The following MAP2K5 variants were observed in gnomAD, a reference collection of about 807,000 sequenced individuals.
MAP2K5 encodes the protein mitogen-activated protein kinase kinase 5, also known as dual specificity mitogen-activated protein kinase kinase 5.
In MAP2K5, 49 loss-of-function variants were observed where a neutral mutation model predicts 83.1. The ratio of observed to expected loss-of-function variants is 0.59; its 90% CI spans 0.47 to 0.75. The LOEUF (loss-of-function observed/expected upper bound fraction) is 0.75. Ranked by LOEUF, MAP2K5 falls within the 30% of genes least tolerant of loss-of-function variation. The probability of loss-of-function intolerance (pLI) is 0.00; values close to 1 mark genes in which losing one functional copy is unlikely to be tolerated. For missense variants in MAP2K5, 457 were observed against 557.5 expected (o/e 0.82, Z 1.82); for synonymous variants, 202 against 191.8 (o/e 1.05, Z -0.44).
In MAP2K5 at chr15:67,563,263, C is replaced by G. The variant is rs1200058210; in HGVS notation, c.185-20C>G. 12 of 1,605,096 alleles carry G rather than the reference C, an allele frequency of 7.5e-6. No homozygotes were observed. The highest frequency in any genetic ancestry group is 1.0e-5 in the Non-Finnish European group (12 of 1,177,248). On this transcript the variant is annotated intron_variant, in intron 2 of 21. Coordinates refer to ENST00000178640, the MANE Select transcript of MAP2K5 (RefSeq NM_145160.3). This position sits in a 1 kb window ranked among gnomAD's most constrained non-coding sequence, Gnocchi z 4.5. ...AAACAAATGCACACCTTATCATTTG[C>G]ATTATGTGCTTTTAAACAGATGAAG...
At chr15:67,691,865 C>T (rs1299250055) in intron 13 of MAP2K5, among the ~76,000 whole-genome samples, 3 of 152,280 alleles carry the variant, frequency 2.0e-5, no homozygotes, top group South Asian at 2.1e-4. Flanking sequence ...GAAACAAAGA[C>T]TAATAAGCAC....
Position 67,665,771 on chromosome 15 carries a change from G to A in MAP2K5, c.847+1126G>A, listed in dbSNP as rs2087361142. Among the ~76,000 whole-genome samples, 2 of 152,130 alleles carry A rather than the reference G, an allele frequency of 1.3e-5. No individual in the cohort carries two copies. Among genetic ancestry groups the A allele is most frequent in the African/African-American group, 2.4e-5 (1 of 41,436 alleles). ...TCCATTTCTAGAGTATAGTTGGTGCGAAAGGTAGGTGTAGGGAGAGTGAGT... is the reference window on the plus strand; with the variant it reads ...TCCATTTCTAGAGTATAGTTGGTGCAAAAGGTAGGTGTAGGGAGAGTGAGT... On this transcript the variant is annotated intron_variant, in intron 13 of 21. Transcript: ENST00000178640. This position sits in a 1 kb window ranked among gnomAD's most constrained non-coding sequence, Gnocchi z 4.2.
intron 1 of MAP2K5, chr15:67,546,523 C>T (rs937322382): frequency 1.1e-5 from 10 of 935,410 alleles, no homozygotes; most frequent in Non-Finnish European, 1.3e-5. Context: ...CTCTCTGGGC[C>T]TTGTCTTTTG....
Position 67,720,463 on chromosome 15 carries a change from C to T in MAP2K5, c.1045-7453C>T, listed in dbSNP as rs984407078. On this transcript the variant is annotated intron_variant, in intron 16 of 21. Coordinates refer to ENST00000178640, the MANE Select transcript of MAP2K5 (RefSeq NM_145160.3). This position sits in a 1 kb window ranked among gnomAD's most constrained non-coding sequence, Gnocchi z 5.7. ...TTTGGGACAGCAGGGTTAGAAAGACCAAGAAACATTTAAAGATTCAAAACA... is the reference window on the plus strand; with the variant it reads ...TTTGGGACAGCAGGGTTAGAAAGACTAAGAAACATTTAAAGATTCAAAACA... Among the ~76,000 whole-genome samples, 10 of 152,026 alleles carry T rather than the reference C, an allele frequency of 6.6e-5. No homozygotes were observed. The highest frequency in any genetic ancestry group is 1.7e-4 in the African/African-American group (7 of 41,472).
intron 16 of MAP2K5, among the ~76,000 whole-genome samples, chr15:67,709,494 A>C (rs1374335799): frequency 1.3e-5 from 2 of 150,270 alleles, no homozygotes; most frequent in Non-Finnish European, 3.0e-5. Flanking sequence ...AAAAAAAAAA[A>C]CTACAGGGCT....
At chr15:67,635,409 T>G (rs1371948425) in intron 9 of MAP2K5, among the ~76,000 whole-genome samples, 1 of 152,140 alleles carries the variant, frequency 6.6e-6, no homozygotes, top group Non-Finnish European at 1.5e-5. Flanking sequence ...ACTCCTGACC[T>G]TGTGATCTGC....
chr15:67,740,201 TAG>T (rs1277698483), intron 17 of MAP2K5, among the ~76,000 whole-genome samples: 9 of 152,208 alleles, frequency 5.9e-5, no homozygotes, highest in Non-Finnish European at 1.2e-4. Context: ...TTTTGGGTCC[TAG>T]AGTCTAGTAT....
In MAP2K5 at chr15:67,749,124, G is replaced by A. The variant is rs1258126485; in HGVS notation, c.1134+523G>A. 2.0e-5 allele frequency among the ~76,000 whole-genome samples: 3 copies of A among 152,140 alleles called. No individual in the cohort carries two copies. Among genetic ancestry groups the A allele is most frequent in the Non-Finnish European group, 2.9e-5 (2 of 68,024 alleles). ...TCTCAGAATATGTCCCTAACATCTT[G>A]TGTATTCTAGTAGCTGGAAACCTGT... On this transcript the variant is annotated intron_variant, in intron 19 of 21. Coordinates refer to ENST00000178640, the MANE Select transcript of MAP2K5 (RefSeq NM_145160.3). The surrounding 1 kb of genome is among the most constrained non-coding windows in gnomAD (Gnocchi z 4.6).
In MAP2K5 at chr15:67,580,829, G is replaced by C; in HGVS notation, c.322+6G>C. Reference sequence around the variant, plus strand: ...TCTGCAGATATTTCCAAGAGGTAATGTTGAGCAAATTCTAATCAACAATGA... The same window carrying C: ...TCTGCAGATATTTCCAAGAGGTAATCTTGAGCAAATTCTAATCAACAATGA... On this transcript the variant is annotated splice_donor_region_variant and intron_variant, in intron 4 of 21. Transcript: ENST00000178640. 1 of 1,586,396 alleles carries C rather than the reference G, an allele frequency of 6.3e-7. No homozygotes were observed. Among genetic ancestry groups the C allele is most frequent in the Non-Finnish European group, 8.6e-7 (1 of 1,156,348 alleles).
chr15:67,759,531 G>T (rs147695267), intron 19 of MAP2K5, among the ~76,000 whole-genome samples: 1 of 149,250 alleles, frequency 6.7e-6, no homozygotes, highest in East Asian at 2.0e-4. Flanking sequence ...CTGCACTCTA[G>T]CCTGGATGAC....
chr15:67,694,363 C>G (rs1034373492), intron 15 of MAP2K5, among the ~76,000 whole-genome samples: 4 of 151,984 alleles, frequency 2.6e-5, no homozygotes, highest in Non-Finnish European at 5.9e-5. Flanking sequence ...TTTAGGTAGT[C>G]CCTTTCATCT....
rs1170470199 is a variant in MAP2K5, at chr15:67,567,510, G to A, written c.252+4160G>A. 7.2e-5 allele frequency among the ~76,000 whole-genome samples: 11 copies of A among 151,778 alleles called. 1 individual carries two copies. Among genetic ancestry groups the A allele is most frequent in the Admixed American group, 2.6e-4 (4 of 15,248 alleles). The stretch of plus-strand genomic sequence containing the variant: ...CTCCCGAGTAGCTGGGACTACAGGC[G>A]CCCGCCACCGCGCCCGGCTAATTTT... On this transcript the variant is annotated intron_variant, in intron 3 of 21. Coordinates refer to ENST00000178640, the MANE Select transcript of MAP2K5 (RefSeq NM_145160.3).
chr15:67,738,858 C>T lies in MAP2K5; in HGVS notation c.1075-9373C>T, dbSNP rs535165982. 1.3e-4 allele frequency among the ~76,000 whole-genome samples: 20 copies of T among 152,322 alleles called. No homozygotes were observed. In the South Asian group the frequency reaches 3.7e-3, roughly 28 times the overall value. On this transcript the variant is annotated intron_variant, in intron 17 of 21. Coordinates refer to ENST00000178640, the MANE Select transcript of MAP2K5 (RefSeq NM_145160.3). This position sits in a 1 kb window ranked among gnomAD's most constrained non-coding sequence, Gnocchi z 4.1. ...TTCACCTTAGATGAGCAGCTTCCTCCTCCTGTCCACACCTTCAGCCCTCTT... is the reference window on the plus strand; with the variant it reads ...TTCACCTTAGATGAGCAGCTTCCTCTTCCTGTCCACACCTTCAGCCCTCTT...
At chr15:67,548,138 A>C (rs1015873640) in intron 1 of MAP2K5, among the ~76,000 whole-genome samples, 5 of 152,232 alleles carry the variant, frequency 3.3e-5, no homozygotes, top group Non-Finnish European at 5.9e-5. Flanking sequence ...AGAACTCTGC[A>C]CTTTGATGGG....
At chr15:67,697,028 G>C (rs895075760) in intron 15 of MAP2K5, among the ~76,000 whole-genome samples, 5 of 152,190 alleles carry the variant, frequency 3.3e-5, no homozygotes, top group Admixed American at 3.3e-4. Flanking sequence ...CAAACTTGAT[G>C]ATTCAAACAG....
At chr15:67,583,601 G>A (rs774327544) in intron 4 of MAP2K5, among the ~76,000 whole-genome samples, 2 of 151,894 alleles carry the variant, frequency 1.3e-5, no homozygotes, top group Non-Finnish European at 1.5e-5. Flanking sequence ...TTACATAATC[G>A]ACATGTAGAC....
At chr15:67,674,130 A>G (rs1297719927) in intron 13 of MAP2K5, among the ~76,000 whole-genome samples, 9 of 152,128 alleles carry the variant, frequency 5.9e-5, no homozygotes. Flanking sequence ...TACAGGCATG[A>G]GCCACCGTGC....
At chr15:67,756,514 ACTGTGTGTGTGTGTGT>A (rs1362412901) in intron 19 of MAP2K5, among the ~76,000 whole-genome samples, 2 of 97,844 alleles carry the variant, frequency 2.0e-5, no homozygotes, top group Admixed American at 1.1e-4. Flanking sequence ...ACACACAGTT[ACTGTGTGTGTGTGTGT>A]GTGTGTGTGT....
At position 67,608,976 on chromosome 15, in the gene MAP2K5, C is replaced by G. The variant is rs28608025; in HGVS notation, c.545+8227C>G. Among the ~76,000 whole-genome samples, 979 of 152,280 alleles carry G rather than the reference C, an allele frequency of 6.4e-3. 15 individuals are homozygous for G. Among genetic ancestry groups the G allele is most frequent in the African/African-American group, 0.022 (930 of 41,556 alleles). ...AGGAATTTACCTGCAGAGGCAGATT[C>G]TTCACAGCCTAAGGATGGACACAAT... On this transcript the variant is annotated intron_variant, in intron 8 of 21. Coordinates refer to ENST00000178640, the MANE Select transcript of MAP2K5 (RefSeq NM_145160.3).
Sources: gnomAD v4.1 joint callset for allele counts (sites outside exome capture counted in the v4.1 genomes callset) on GRCh38, gnomAD v4.1.1 for gene constraint, Gnocchi (gnomAD v3.1) non-coding constraint, MANE v1.5 for transcripts, NCBI Gene and HGNC (gene_info 2026-07-23, HGNC 2026-07-21) for gene names.